The following RIMS4 variants were observed in gnomAD, a reference collection of about 807,000 sequenced individuals.
RIMS4 encodes the protein regulating synaptic membrane exocytosis 4, also known as regulating synaptic membrane exocytosis protein 4.
Under a neutral mutation model 29.0 loss-of-function variants are expected in RIMS4, and 9 were observed. The observed-to-expected ratio is 0.31, with a 90% CI of 0.19 to 0.54. RIMS4 has a LOEUF of 0.54. Ranked by LOEUF, RIMS4 falls within the 20% of genes least tolerant of loss-of-function variation. The pLI, the probability that RIMS4 is intolerant of heterozygous loss-of-function variation, is 0.94. For synonymous variants in RIMS4, 130 were observed against 152.9 expected (o/e 0.85, Z 1.10); for missense variants, 193 against 365.7 (o/e 0.53, Z 3.85).
chr20:44,798,714 G>A (rs2066265392), intron 1 of RIMS4, among the ~76,000 whole-genome samples: 1 of 152,100 alleles, frequency 6.6e-6, no homozygotes, highest in South Asian at 2.1e-4. Context: ...TAGGAGTACC[G>A]AAGCCTAGTC....
At chr20:44,795,653 C>T (rs189181496) in intron 1 of RIMS4, among the ~76,000 whole-genome samples, 30 of 152,076 alleles carry the variant, frequency 2.0e-4, no homozygotes, top group Admixed American at 1.8e-3. Context: ...ATAGGGATAG[C>T]CCCCAAAACA....
chr20:44,766,048 T>C (rs188457765), intron 2 of RIMS4, among the ~76,000 whole-genome samples: 179 of 152,140 alleles, frequency 1.2e-3, no homozygotes, highest in South Asian at 1.9e-3. Flanking sequence ...CAGACACACA[T>C]GTGACAAGAT....
At chr20:44,801,411 C>T (rs971666038) in intron 1 of RIMS4, among the ~76,000 whole-genome samples, 1 of 152,188 alleles carries the variant, frequency 6.6e-6, no homozygotes, top group African/African-American at 2.4e-5. Context: ...TCTGAATAAA[C>T]TGACTCAGTA....
At chr20:44,771,904 C>T (rs937777612) in intron 1 of RIMS4, among the ~76,000 whole-genome samples, 2 of 152,068 alleles carry the variant, frequency 1.3e-5, no homozygotes, top group African/African-American at 4.8e-5. Flanking sequence ...GCAACCCTCA[C>T]CCCACCCCGC....
At chr20:44,772,608 G>A (rs1018318493) in intron 1 of RIMS4, among the ~76,000 whole-genome samples, 2 of 152,190 alleles carry the variant, frequency 1.3e-5, no homozygotes, top group Non-Finnish European at 2.9e-5. Context: ...ACACAGCCCC[G>A]GGAGGGTGTC....
intron 2 of RIMS4, among the ~76,000 whole-genome samples, chr20:44,761,826 AT>A (rs1473963715): frequency 6.6e-6 from 1 of 152,218 alleles, no homozygotes; most frequent in Non-Finnish European, 1.5e-5. Flanking sequence ...TATCTTAACA[AT>A]TATGCAACAA....
rs1474868418 is a variant in RIMS4, at chr20:44,753,080, AT to A, written c.*3053del. ...ACGGTCTCCTGTCGCCTGAAGAACA[AT>A]GGAGCCCCTAGTTCTTCCCCCTTTG... On this transcript the variant is annotated 3_prime_UTR_variant, in exon 6 of 6. Transcript: ENST00000372851. 6.5e-6 allele frequency: 1 copy of A among 152,780 alleles called. No homozygotes were observed. Among genetic ancestry groups the A allele is most frequent in the Non-Finnish European group, 1.5e-5 (1 of 68,114 alleles). 9.5% of individuals were successfully genotyped at this position (152,780 alleles called of 1,614,324 possible).
At chr20:44,781,322 A>G (rs975409033) in intron 1 of RIMS4, among the ~76,000 whole-genome samples, 6 of 152,338 alleles carry the variant, frequency 3.9e-5, no homozygotes, top group South Asian at 2.1e-4. Flanking sequence ...AGCATAATGT[A>G]AGGGCAGAGA....
chr20:44,767,586 A>T (rs747871006), intron 2 of RIMS4, among the ~76,000 whole-genome samples: 44 of 152,336 alleles, frequency 2.9e-4, no homozygotes, highest in African/African-American at 1.1e-3. Flanking sequence ...AAATGCAACC[A>T]TTAAAGAGAA....
chr20:44,798,713 C>T (rs543885347), intron 1 of RIMS4, among the ~76,000 whole-genome samples: 21 of 152,288 alleles, frequency 1.4e-4, no homozygotes, highest in African/African-American at 4.3e-4. Context: ...ATAGGAGTAC[C>T]GAAGCCTAGT....
intron 1 of RIMS4, among the ~76,000 whole-genome samples, chr20:44,802,333 T>A (rs2066280673): frequency 6.6e-6 from 1 of 152,218 alleles, no homozygotes; most frequent in African/African-American, 2.4e-5. Context: ...CTTGAGTATT[T>A]ACTATTATTA....
At chr20:44,799,717 T>C (rs934842046) in intron 1 of RIMS4, among the ~76,000 whole-genome samples, 1 of 152,148 alleles carries the variant, frequency 6.6e-6, no homozygotes, top group African/African-American at 2.4e-5. Context: ...GCAGGGTCCA[T>C]GATGGCTACT....
At position 44,756,192 on chromosome 20, in the gene RIMS4, C is replaced by T. The variant is rs956718875; in HGVS notation, c.752G>A (p.Arg251Gln). The change falls in exon 6 of 6, where the codon CGG becomes CAG. Residue 251 changes from arginine to glutamine, a missense_variant. Coordinates refer to ENST00000372851, the MANE Select transcript of RIMS4 (RefSeq NM_182970.4). The surrounding 1 kb of genome is among the most constrained non-coding windows in gnomAD (Gnocchi z 5.9). ...CTCGAGGGACAACTGGGATGCCTGC[C>T]GGAGCAGGGGGCCTGTGGCTGGGTC... ...MVDPATGPLL[R>Q]QASQLSLEST... The T allele has an allele frequency of 3.7e-6, 6 of 1,613,792 alleles. No homozygotes were observed. Among genetic ancestry groups the T allele is most frequent in the South Asian group, 1.1e-5 (1 of 91,058 alleles).
chr20:44,770,106 T>C (rs1267194788), intron 2 of RIMS4, among the ~76,000 whole-genome samples: 1 of 152,172 alleles, frequency 6.6e-6, no homozygotes, highest in African/African-American at 2.4e-5. Context: ...GAATTTAACT[T>C]TTCTAAGCCT....
At chr20:44,762,391 G>A (rs948211054) in intron 2 of RIMS4, among the ~76,000 whole-genome samples, 1 of 152,108 alleles carries the variant, frequency 6.6e-6, no homozygotes, top group Non-Finnish European at 1.5e-5. Context: ...AGCCATCTAG[G>A]GGGCCAGCCT....
intron 1 of RIMS4, among the ~76,000 whole-genome samples, chr20:44,804,428 G>C (rs541625787): frequency 1.3e-5 from 2 of 152,184 alleles, no homozygotes; most frequent in African/African-American, 4.8e-5. Context: ...ATGCAGAATG[G>C]GAGAAGGTTT....
At chr20:44,777,355 C>A (rs1167265489) in intron 1 of RIMS4, among the ~76,000 whole-genome samples, 1 of 152,148 alleles carries the variant, frequency 6.6e-6, no homozygotes, top group Non-Finnish European at 1.5e-5. Context: ...TACGTTCTCC[C>A]AAAAGCAAGT....
chr20:44,762,694 C>T (rs113550768), intron 2 of RIMS4, among the ~76,000 whole-genome samples: 227 of 152,306 alleles, frequency 1.5e-3, no homozygotes, highest in South Asian at 6.8e-3. Flanking sequence ...ACCCGGCTGA[C>T]GCCCCAGAAA....
chr20:44,784,557 A>C (rs1080026), intron 1 of RIMS4, among the ~76,000 whole-genome samples: 66,176 of 152,094 alleles, frequency 0.44, 15,307 homozygotes, highest in African/African-American at 0.58. Context: ...CCACGTCCCA[A>C]AACTGCTTAA....
Sources: allele counts gnomAD v4.1 joint callset (sites outside exome capture counted in the v4.1 genomes callset), GRCh38; gene constraint gnomAD v4.1.1; non-coding constraint Gnocchi (gnomAD v3.1); transcripts MANE v1.5; gene names NCBI Gene and HGNC (gene_info 2026-07-23, HGNC 2026-07-21).